INPP4B: variants seen among roughly 807,000 people sequenced by gnomAD.
INPP4B encodes inositol polyphosphate 4-phosphatase type II.
INPP4B carries 55 observed loss-of-function variants against 122.5 expected under a neutral mutation model. The ratio of observed to expected loss-of-function variants is 0.45; its 90% confidence interval spans 0.36 to 0.56. INPP4B has a LOEUF of 0.56. INPP4B is among the 20% of genes least tolerant of loss of function. INPP4B has a pLI of 0.00. For synonymous variants in INPP4B, 403 were observed against 388.7 expected, an observed-to-expected ratio of 1.04 and a Z score of -0.43; for missense variants, 1,000 against 1,097.7, an observed-to-expected ratio of 0.91 and a Z score of 1.26.
At chr4:142,310,030 G>C (rs758071236) in intron 8 of INPP4B, among the ~76,000 whole-genome samples, 5 of 152,154 alleles carry the variant, frequency 3.3e-5, no homozygotes, top group Admixed American at 6.5e-5. Flanking sequence ...CACCTTTAAG[G>C]GGGTCAGAGA....
intron 2 of INPP4B, among the ~76,000 whole-genome samples, chr4:142,697,092 CAT>C (rs1761136537): frequency 6.6e-6 from 1 of 152,118 alleles, no homozygotes; most frequent in Non-Finnish European, 1.5e-5. Flanking sequence ...ATATTATATA[CAT>C]GTGATGTTGA....
At chr4:142,198,401 AT>A (rs1839254373) in intron 14 of INPP4B, among the ~76,000 whole-genome samples, 1 of 151,906 alleles carries the variant, frequency 6.6e-6, no homozygotes, top group Non-Finnish European at 1.5e-5. Flanking sequence ...TTTGATCTTA[AT>A]TATCTTTCTC....
chr4:142,701,557 C>G (rs1265034997), intron 2 of INPP4B, among the ~76,000 whole-genome samples: 1 of 148,840 alleles, frequency 6.7e-6, no homozygotes, highest in Non-Finnish European at 1.5e-5. Context: ...GTCTTGGTAA[C>G]AGTTTGGGCT....
At chr4:142,722,180 G>A (rs1017784480) in intron 2 of INPP4B, among the ~76,000 whole-genome samples, 11 of 152,084 alleles carry the variant, frequency 7.2e-5, no homozygotes, top group Admixed American at 3.3e-4. Context: ...ACAGTATGGC[G>A]GATACCACAA....
intron 5 of INPP4B, chr4:142,427,017 ATTCT>A (rs1357895449): frequency 6.6e-6 from 1 of 152,068 alleles, no homozygotes. Context: ...AGAAGCTATT[ATTCT>A]TTCATTGGGA....
chr4:142,341,918 C>T (rs893971149), intron 7 of INPP4B, among the ~76,000 whole-genome samples: 1 of 152,092 alleles, frequency 6.6e-6, no homozygotes, highest in African/African-American at 2.4e-5. Flanking sequence ...ACAGATTCTT[C>T]CCCAGTTAAG....
intron 25 of INPP4B, among the ~76,000 whole-genome samples, chr4:142,042,558 G>GTATGTATGTATGTATTTATT (rs1160267948): frequency 1.6e-5 from 1 of 64,086 alleles, no homozygotes; most frequent in African/African-American, 5.3e-5. Flanking sequence ...ATGTATGTAT[G>GTATGTATGTATGTATTTATT]TATTTATTTA....
chr4:142,596,584 G>A (rs1738750653), intron 2 of INPP4B, among the ~76,000 whole-genome samples: 1 of 152,148 alleles, frequency 6.6e-6, no homozygotes, highest in Non-Finnish European at 1.5e-5. Flanking sequence ...TGGTCAATTT[G>A]TTATATAATA....
rs1735377858 is a variant in INPP4B at position 142,582,788 on chromosome 4, A to C, written c.-190-120062T>G. Among the ~76,000 whole-genome samples, 4 of 152,270 alleles carry C rather than the reference A, an allele frequency of 2.6e-5. No homozygotes were observed. The South Asian group carries it at 8.3e-4, about 32-fold the overall frequency. On this transcript the variant is annotated intron_variant, in intron 2 of 25. Transcript: ENST00000262992. ...TTGCTGATCTGTGGCTGCTAAATTC[A>C]AGTCAGAAACAAACAACTGAACAAC...
At chr4:142,489,889 C>T (rs1262771359) in intron 2 of INPP4B, among the ~76,000 whole-genome samples, 1 of 152,062 alleles carries the variant, frequency 6.6e-6, no homozygotes, top group Non-Finnish European at 1.5e-5. Context: ...AGGTAATAAT[C>T]CTTATCTCAA....
rs551197853 is a variant in INPP4B, at chr4:142,294,890, T to A, written c.503+10568A>T. On this transcript the variant is annotated intron_variant, in intron 9 of 25. Transcript: ENST00000262992. ...TACGCCAGGCTGTGGATGAAGCACCTTGTATACCTGGGCTGAGCAGATGTG... is the reference window on the plus strand; with the variant it reads ...TACGCCAGGCTGTGGATGAAGCACCATGTATACCTGGGCTGAGCAGATGTG... Among the ~76,000 whole-genome samples the A allele has an allele frequency of 5.6e-5, 8 of 143,178 alleles. No homozygotes were observed. The East Asian group carries it at 1.8e-3, about 32-fold the overall frequency. 93.9% of individuals were successfully genotyped at this position (143,178 alleles called of 152,430 possible).
chr4:142,557,875 A>G (rs1729564086), intron 2 of INPP4B, among the ~76,000 whole-genome samples: 1 of 152,144 alleles, frequency 6.6e-6, no homozygotes, highest in African/African-American at 2.4e-5. Context: ...GGGCTCATTC[A>G]CCTATTACCC....
At chr4:142,651,633 A>T (rs1322992633) in intron 2 of INPP4B, among the ~76,000 whole-genome samples, 2 of 152,220 alleles carry the variant, frequency 1.3e-5, no homozygotes, top group African/African-American at 2.4e-5. Context: ...GAAATGGATA[A>T]GTTCCTGGAC....
intron 7 of INPP4B, among the ~76,000 whole-genome samples, chr4:142,364,175 A>C (rs1384704393): frequency 6.6e-6 from 1 of 152,070 alleles, no homozygotes; most frequent in African/African-American, 2.4e-5. Context: ...AATGGTGATT[A>C]ATGTGTAATG....
intron 7 of INPP4B, among the ~76,000 whole-genome samples, chr4:142,375,431 G>C (rs1466752514): frequency 2.6e-5 from 4 of 151,728 alleles, no homozygotes; most frequent in African/African-American, 9.7e-5. Flanking sequence ...ACTTCTGTAA[G>C]GATGCCTCCC....
At chr4:142,168,103 G>A (rs1165781512) in intron 16 of INPP4B, among the ~76,000 whole-genome samples, 2 of 150,588 alleles carry the variant, frequency 1.3e-5, no homozygotes, top group South Asian at 2.1e-4. Context: ...TTTATTTCTT[G>A]GTTGTTTTCA....
intron 22 of INPP4B, among the ~76,000 whole-genome samples, chr4:142,111,109 C>T (rs1401926263): frequency 2.6e-5 from 4 of 152,090 alleles, no homozygotes; most frequent in African/African-American, 9.7e-5. Context: ...TAGAAACTAG[C>T]TTTCAAAAGT....
intron 5 of INPP4B, chr4:142,427,331 C>A: frequency 2.5e-6 from 1 of 400,286 alleles, no homozygotes; most frequent in Non-Finnish European, 4.4e-6. Flanking sequence ...CATTTCTTGC[C>A]ATTTGACAAG....
chr4:142,153,149 C>G (rs1443870959), intron 17 of INPP4B, among the ~76,000 whole-genome samples: 13 of 152,170 alleles, frequency 8.5e-5, no homozygotes, highest in Admixed American at 7.9e-4. Context: ...CACTGATTGA[C>G]TAAAGCTTTT....
Sources: gnomAD v4.1 joint callset for allele counts (sites outside exome capture counted in the v4.1 genomes callset) on GRCh38, gnomAD v4.1.1 for gene constraint, MANE v1.5 for transcripts, NCBI Gene and HGNC (gene_info 2026-07-23, HGNC 2026-07-21) for gene names.